Variants in OR51B5 observed in about 807,000 individuals in gnomAD.
The protein encoded by OR51B5 is olfactory receptor family 51 subfamily B member 5.
For synonymous variants in OR51B5, 186 were observed against 144.8 expected (o/e 1.28, Z -2.04); for missense variants, 456 against 374.6 (o/e 1.22, Z -1.79).
chr11:5,477,369 C>A (rs1851326095), intron 1 of OR51B5, among the ~76,000 whole-genome samples: 1 of 152,170 alleles, frequency 6.6e-6, no homozygotes, highest in Admixed American at 6.5e-5. Context: ...CACCACAATC[C>A]TACCGGTCAC....
At chr11:5,473,622 G>T (rs1052767148) in intron 1 of OR51B5, among the ~76,000 whole-genome samples, 3 of 152,054 alleles carry the variant, frequency 2.0e-5, no homozygotes, top group African/African-American at 7.2e-5. Flanking sequence ...AAAACCTTAT[G>T]AATACATTTT....
At chr11:5,497,690 GACAGA>G (rs909557697) in intron 1 of OR51B5, among the ~76,000 whole-genome samples, 4 of 152,120 alleles carry the variant, frequency 2.6e-5, no homozygotes, top group African/African-American at 7.2e-5. Flanking sequence ...GTCAGTCAAA[GACAGA>G]ACATAAAGAC....
chr11:5,375,831 A>G (rs957830587), intron 1 of OR51B5, among the ~76,000 whole-genome samples: 8 of 152,144 alleles, frequency 5.3e-5, no homozygotes, highest in African/African-American at 1.9e-4. Flanking sequence ...GAGACCTACA[A>G]AGAGACTTAG....
At chr11:5,437,659 A>T (rs1225494201) in intron 1 of OR51B5, among the ~76,000 whole-genome samples, 1 of 152,226 alleles carries the variant, frequency 6.6e-6, no homozygotes, top group Non-Finnish European at 1.5e-5. Flanking sequence ...ACTACAAGGG[A>T]TTGAGATTCA....
At chr11:5,369,791 A>T (rs1001618938) in intron 1 of OR51B5, among the ~76,000 whole-genome samples, 17 of 152,186 alleles carry the variant, frequency 1.1e-4, no homozygotes, top group Non-Finnish European at 1.6e-4. Flanking sequence ...TATTTCCATG[A>T]TGCCACACTA....
chr11:5,363,824 A>G (rs898384611), intron 1 of OR51B5, among the ~76,000 whole-genome samples: 8 of 152,200 alleles, frequency 5.3e-5, no homozygotes, highest in Non-Finnish European at 1.2e-4. Flanking sequence ...TTAGTGTACA[A>G]TAGAAAGCAA....
chr11:5,466,304 A>G (rs888574674), intron 1 of OR51B5, among the ~76,000 whole-genome samples: 1 of 152,206 alleles, frequency 6.6e-6, no homozygotes, highest in African/African-American at 2.4e-5. Context: ...AACTATATCT[A>G]TATTTACATA....
At chr11:5,483,546 A>T (rs959978360) in intron 1 of OR51B5, among the ~76,000 whole-genome samples, 9 of 135,006 alleles carry the variant, frequency 6.7e-5, no homozygotes, top group Non-Finnish European at 1.2e-4. Context: ...AAGAGTAGAA[A>T]GTACAGCTAA....
In OR51B5 at chr11:5,371,122, T is replaced by C. The variant is rs554569285; in HGVS notation, n.85-24212A>G. 9.8e-5 allele frequency among the ~76,000 whole-genome samples: 15 copies of C among 152,300 alleles called. No individual in the cohort carries two copies. In the South Asian group the frequency reaches 1.2e-3, roughly 13 times the overall value. ...CCCTAGCTATGGACCACCATGGATATTGAAGTAAGGGCTTTGTTTTGGAAT... is the reference window on the plus strand; with the variant it reads ...CCCTAGCTATGGACCACCATGGATACTGAAGTAAGGGCTTTGTTTTGGAAT... On this transcript the variant is annotated intron_variant and non_coding_transcript_variant, in intron 1 of 4. Coordinates refer to the OR51B5 transcript ENST00000415970.
chr11:5,394,590 C>T (rs1429818974), intron 1 of OR51B5, among the ~76,000 whole-genome samples: 2 of 152,168 alleles, frequency 1.3e-5, no homozygotes, highest in African/African-American at 4.8e-5. Context: ...ACACAGATGG[C>T]TCATGTAATT....
At chr11:5,419,546 G>C (rs1235526173) in intron 1 of OR51B5, among the ~76,000 whole-genome samples, 1 of 152,026 alleles carries the variant, frequency 6.6e-6, no homozygotes, top group East Asian at 1.9e-4. Context: ...CATTTATATT[G>C]TATCAGTCAT....
At chr11:5,454,598 A>G in intron 1 of OR51B5, 1 of 550,712 alleles carries the variant, frequency 1.8e-6, no homozygotes, top group Middle Eastern at 4.0e-4. Context: ...TGAATAGTAC[A>G]TTCACTAAAT....
intron 1 of OR51B5, among the ~76,000 whole-genome samples, chr11:5,389,219 G>C (rs1229549122): frequency 1.3e-5 from 2 of 152,192 alleles, no homozygotes; most frequent in Non-Finnish European, 2.9e-5. Flanking sequence ...AAACTGGTGA[G>C]GGCGAGGTTA....
At chr11:5,461,731 G>C (rs191967412) in intron 1 of OR51B5, among the ~76,000 whole-genome samples, 6 of 152,310 alleles carry the variant, frequency 3.9e-5, no homozygotes, top group Non-Finnish European at 8.8e-5. Context: ...CCTGCAGGTA[G>C]GATCCTGAAG....
Position 5,423,389 on chromosome 11 carries a change from C to T in OR51B5, n.85-76479G>A, listed in dbSNP as rs531790303. On this transcript the variant is annotated intron_variant and non_coding_transcript_variant, in intron 1 of 4. Transcript: ENST00000415970. ...TAGCACATCTTAGCAGCTATCCCAA[C>T]GGGAGGATTTTAATGGATTGAGTAA... Among the ~76,000 whole-genome samples the T allele has an allele frequency of 7.2e-5, 11 of 152,280 alleles. 1 individual carries two copies. Among genetic ancestry groups the T allele is most frequent in the African/African-American group, 1.9e-4 (8 of 41,560 alleles).
downstream of OR51B5, among the ~76,000 whole-genome samples, chr11:5,341,883 G>A (rs193082225): frequency 4.1e-3 from 619 of 152,264 alleles, 4 homozygotes; most frequent in African/African-American, 0.014. Context: ...GGTACTGACT[G>A]TGTCTACGTC....
intron 1 of OR51B5, among the ~76,000 whole-genome samples, chr11:5,448,599 A>G (rs1330577859): frequency 1.3e-5 from 2 of 152,196 alleles, no homozygotes; most frequent in Non-Finnish European, 2.9e-5. Context: ...GAGAACAAGT[A>G]AAAAATGAGA....
At chr11:5,426,866 A>G (rs1404520722) in intron 1 of OR51B5, among the ~76,000 whole-genome samples, 3 of 152,224 alleles carry the variant, frequency 2.0e-5, no homozygotes, top group Admixed American at 1.3e-4. Context: ...AATAACCAGG[A>G]AAGATTAACC....
chr11:5,431,478 A>T (rs1850534789), intron 1 of OR51B5: 5 of 170,142 alleles, frequency 2.9e-5, no homozygotes, highest in Admixed American at 2.7e-4. Flanking sequence ...GATGTTTCCC[A>T]CAATGGCCAC....
Sources: gnomAD v4.1 joint callset for allele counts (sites outside exome capture counted in the v4.1 genomes callset) on GRCh38, gnomAD v4.1.1 for gene constraint, MANE v1.5 for transcripts, NCBI Gene and HGNC (gene_info 2026-07-23, HGNC 2026-07-21) for gene names.